The following ATP13A4 variants were observed in gnomAD, a reference collection of about 807,000 sequenced individuals.
ATP13A4 encodes probable cation-transporting ATPase 13A4.
A neutral mutation model predicts 142.5 loss-of-function variants in ATP13A4; 114 were observed. The observed-to-expected ratio is 0.80, with a 90% CI of 0.69 to 0.93. ATP13A4 has a LOEUF of 0.93. Among genes scored for constraint, ATP13A4 ranks in the 40% least tolerant of loss-of-function variants. ATP13A4 has a pLI of 0.00. For missense variants in ATP13A4, 1,392 were observed against 1,454.0 expected, an observed-to-expected ratio of 0.96 and a Z score of 0.69; for synonymous variants, 488 against 514.8, an observed-to-expected ratio of 0.95 and a Z score of 0.70.
At position 193,445,164 on chromosome 3, in the gene ATP13A4, G is replaced by A. The variant is rs142913725; in HGVS notation, c.2153-2608C>T. On this transcript the variant is annotated intron_variant, in intron 18 of 29. Transcript: ENST00000342695. The stretch of plus-strand genomic sequence containing the variant: ...AAAATAAGGAGAGCACTGGCCAGGC[G>A]CAGTGGCTCACACCTGTAGTCCCAG... Among the ~76,000 whole-genome samples the A allele has an allele frequency of 6.7e-3, 1,021 of 152,314 alleles. 17 individuals are homozygous for A. Among genetic ancestry groups the A allele is most frequent in the African/African-American group, 0.024 (978 of 41,566 alleles).
intron 1 of ATP13A4, among the ~76,000 whole-genome samples, chr3:193,582,149 C>CTTTT (rs61610633): frequency 2.4e-5 from 3 of 124,442 alleles, no homozygotes; most frequent in Non-Finnish European, 5.1e-5. Flanking sequence ...CTTTTCTTTT[C>CTTTT]TTTTTTTTTT....
rs756386943 is a variant in ATP13A4, at chr3:193,412,165, C to G, written c.3208+13G>C. 6.9e-6 allele frequency: 11 copies of G among 1,584,788 alleles called. No individual in the cohort carries two copies. The South Asian group carries it at 1.2e-4, about 18-fold the overall frequency. On this transcript the variant is annotated intron_variant, in intron 27 of 29. Transcript: ENST00000342695. ...ATGACTTCTCACCTCTGATGCAGTA[C>G]AGTTCTACTCACAGTTTGTATAAGT...
intron 25 of ATP13A4, 89 bp from the exon 26 acceptor site, chr3:193,414,839 T>A: frequency 7.7e-7 from 1 of 1,300,688 alleles, no homozygotes; most frequent in Admixed American, 1.8e-5. Context: ...GGCCCATACA[T>A]TTGAGGAAAT....
chr3:193,534,430 T>C (rs1722487816), intron 1 of ATP13A4, among the ~76,000 whole-genome samples: 1 of 152,072 alleles, frequency 6.6e-6, no homozygotes. Context: ...GTTAGAATTA[T>C]CTGATAAGGA....
intron 13 of ATP13A4, among the ~76,000 whole-genome samples, chr3:193,461,408 A>G (rs565421394): frequency 6.6e-6 from 1 of 152,366 alleles, no homozygotes; most frequent in African/African-American, 2.4e-5. Flanking sequence ...CATATTTTGC[A>G]GAAGCTGAAA....
At chr3:193,551,703 G>A (rs1010088699) in intron 1 of ATP13A4, among the ~76,000 whole-genome samples, 11 of 152,188 alleles carry the variant, frequency 7.2e-5, no homozygotes, top group Admixed American at 4.6e-4. Flanking sequence ...GCAGGCAAGC[G>A]GCTGGCCCAA....
In ATP13A4 at chr3:193,459,335, T is replaced by C. The variant is rs116583678; in HGVS notation, c.1524-104A>G. The C allele has an allele frequency of 5.0e-3, 7,091 of 1,414,034 alleles. 34 individuals carry two copies. Among genetic ancestry groups the C allele is most frequent in the Middle Eastern group, 0.014 (58 of 4,146 alleles). 87.6% of individuals were successfully genotyped at this position (1,414,034 alleles called of 1,614,324 possible). A position where few individuals can be genotyped will look rare whatever the true frequency, so the allele number is the denominator to read the frequency against. Reference sequence around the variant, plus strand: ...TTATAAAAAAATAATTTAATATGCTTTGTTGCATTAATAGCCACTCTCCAA... The same window carrying C: ...TTATAAAAAAATAATTTAATATGCTCTGTTGCATTAATAGCCACTCTCCAA... On this transcript the variant is annotated intron_variant, in intron 13 of 29. Coordinates refer to ENST00000342695, the MANE Select transcript of ATP13A4 (RefSeq NM_032279.4).
intron 2 of ATP13A4, among the ~76,000 whole-genome samples, chr3:193,560,937 A>T (rs1387393436): frequency 6.6e-6 from 1 of 151,322 alleles, no homozygotes. Context: ...GATACTTGGA[A>T]ATCCAGACAG....
At chr3:193,502,092 G>A (rs1720580850) in intron 3 of ATP13A4, among the ~76,000 whole-genome samples, 1 of 151,970 alleles carries the variant, frequency 6.6e-6, no homozygotes, top group Non-Finnish European at 1.5e-5. Context: ...ATGCACCTGT[G>A]AATAGCCACT....
chr3:193,463,296 G>A (rs967898835), intron 12 of ATP13A4, among the ~76,000 whole-genome samples: 13 of 152,030 alleles, frequency 8.6e-5, no homozygotes, highest in Admixed American at 2.0e-4. Context: ...GAAAGTCCTC[G>A]ATATAAAATG....
chr3:193,457,519 T>C (rs1717699390), intron 14 of ATP13A4, 54 bp from the exon 15 acceptor site: 5 of 1,529,812 alleles, frequency 3.3e-6, no homozygotes, highest in East Asian at 2.2e-5. Flanking sequence ...GTTTGCCCAC[T>C]GATGCTATGC....
chr3:193,458,771 G>A (rs1296486873), intron 14 of ATP13A4: 1 of 579,500 alleles, frequency 1.7e-6, no homozygotes, highest in African/African-American at 1.9e-5. Flanking sequence ...AGTACAGAGA[G>A]ACAAGAAATA....
chr3:193,458,794 G>C lies in ATP13A4; in HGVS notation c.1674+287C>G, dbSNP rs972399750. On this transcript the variant is annotated intron_variant, in intron 14 of 29. Transcript: ENST00000342695. ...GAGACAAGAAATAACTGCATAATAA[G>C]TACAATTATATTAATATGATCGAAC... The C allele has an allele frequency of 1.2e-5, 7 of 597,298 alleles. No homozygotes were observed. The Admixed American group carries it at 1.8e-4, about 15-fold the overall frequency. The allele number at this position is 597,298 out of a possible 1,614,324, so 37.0% of individuals were successfully genotyped here.
rs184440476 is a variant in ATP13A4 at position 193,420,001 on chromosome 3, C to T, written c.2843-5251G>A. Among the ~76,000 whole-genome samples the T allele has an allele frequency of 2.7e-5, 4 of 149,908 alleles. 1 individual carries two copies. The highest frequency in any genetic ancestry group is 4.2e-4 in the South Asian group (2 of 4,736). ...TGGTGCTTCATCTCCCAGGGAACTT[C>T]GTTGCCATTATATCCTATTAGCCCT... On this transcript the variant is annotated intron_variant, in intron 25 of 29. Transcript: ENST00000342695.
At position 193,410,900 on chromosome 3, in the gene ATP13A4, C is replaced by A. The variant is rs923809840; in HGVS notation, c.3297+82G>T. On this transcript the variant is annotated intron_variant, in intron 28 of 29. Coordinates refer to ENST00000342695, the MANE Select transcript of ATP13A4 (RefSeq NM_032279.4). ...GAATAATTTGTGTCAAAAATCATGT[C>A]AATTGAAATTGTGATCTGCTTTTTA... 3 of 908,024 alleles carry A rather than the reference C, an allele frequency of 3.3e-6. No homozygotes were observed. In the African/African-American group the frequency reaches 4.9e-5, roughly 15 times the overall value. The allele number at this position is 908,024 out of a possible 1,614,324, so 56.2% of individuals were successfully genotyped here.
At chr3:193,465,270 C>G in intron 11 of ATP13A4, 142 bp from the exon 12 acceptor site, 1 of 840,940 alleles carries the variant, frequency 1.2e-6, no homozygotes. Flanking sequence ...TCATTGCAAC[C>G]TCCACCTCCC....
chr3:193,581,246 A>G (rs1724538466), intron 2 of ATP13A4, among the ~76,000 whole-genome samples: 1 of 152,206 alleles, frequency 6.6e-6, no homozygotes, highest in African/African-American at 2.4e-5. Context: ...TATGTTATTC[A>G]CAATGTAAAA....
chr3:193,580,780 G>T (rs1177667803), intron 2 of ATP13A4, among the ~76,000 whole-genome samples: 1 of 152,050 alleles, frequency 6.6e-6, no homozygotes, highest in African/African-American at 2.4e-5. Flanking sequence ...CATGACATTG[G>T]CTTAAAAGAT....
chr3:193,529,528 T>A (rs1722203390), intron 1 of ATP13A4, among the ~76,000 whole-genome samples: 1 of 152,094 alleles, frequency 6.6e-6, no homozygotes, highest in African/African-American at 2.4e-5. Context: ...TCCAGCTCCT[T>A]CCCTTTTTCA....
Sources: gnomAD v4.1 joint callset for allele counts (sites outside exome capture counted in the v4.1 genomes callset) on GRCh38, gnomAD v4.1.1 for gene constraint, MANE v1.5 for transcripts, NCBI Gene and HGNC (gene_info 2026-07-23, HGNC 2026-07-21) for gene names.